The following SLC35D4 variants were observed in gnomAD, a reference collection of about 807,000 sequenced individuals.
The protein encoded by SLC35D4 is UDP-N-acetylglucosamine transporter SLC35D4.
chr18:23,295,206 G>A, the SLC35D4 span, among the ~76,000 whole-genome samples: 1,340 of 151,144 alleles, frequency 8.9e-3, 15 homozygotes, highest in African/African-American at 0.031. Flanking sequence ...CATACACCGG[G>A]CCTGTCGGGG....
At chr18:23,424,142 G>A in the SLC35D4 span, among the ~76,000 whole-genome samples, 1 of 151,610 alleles carries the variant, frequency 6.6e-6, no homozygotes, top group African/African-American at 2.4e-5. Flanking sequence ...GGGGCAAGAT[G>A]GATGAAGAAA....
the SLC35D4 span, among the ~76,000 whole-genome samples, chr18:23,304,335 G>T: frequency 1.4e-5 from 2 of 145,104 alleles, no homozygotes; most frequent in Non-Finnish European, 3.0e-5. Context: ...TAAGGATACA[G>T]AAATTTGGGG....
At chr18:23,351,840 T>C in the SLC35D4 span, among the ~76,000 whole-genome samples, 1 of 152,148 alleles carries the variant, frequency 6.6e-6, no homozygotes, top group Admixed American at 6.5e-5. Flanking sequence ...TTTTCTAAGG[T>C]TTCATAGAAA....
the SLC35D4 span, among the ~76,000 whole-genome samples, chr18:23,250,486 C>G: frequency 6.6e-6 from 1 of 152,198 alleles, no homozygotes; most frequent in Non-Finnish European, 1.5e-5. Flanking sequence ...AATCTTACGT[C>G]CCCTTCAACC....
At chr18:23,254,974 T>G in the SLC35D4 span, among the ~76,000 whole-genome samples, 68 of 152,298 alleles carry the variant, frequency 4.5e-4, no homozygotes, top group African/African-American at 1.6e-3. Context: ...GAGCCTTGAT[T>G]GTGGTTTTCA....
the SLC35D4 span, among the ~76,000 whole-genome samples, chr18:23,288,687 C>G: frequency 5.3e-5 from 8 of 152,176 alleles, no homozygotes; most frequent in Admixed American, 5.2e-4. Flanking sequence ...AGAAGGCCAC[C>G]ACGGTCATTT....
chr18:23,386,644 G>A, the SLC35D4 span, among the ~76,000 whole-genome samples: 1 of 149,346 alleles, frequency 6.7e-6, no homozygotes, highest in Non-Finnish European at 1.5e-5. Context: ...AGCGAAGATG[G>A]AGGAAAGGGG....
At chr18:23,356,498 AC>A in the SLC35D4 span, 4 of 1,275,836 alleles carry the variant, frequency 3.1e-6, no homozygotes, top group Non-Finnish European at 4.5e-6. This position sits in a 1 kb window ranked among gnomAD's most constrained non-coding sequence, Gnocchi z 4.1. Flanking sequence ...CTCTCCTGCC[AC>A]TCACTCAGGT....
At chr18:23,332,179 G>A in the SLC35D4 span, among the ~76,000 whole-genome samples, 1 of 151,908 alleles carries the variant, frequency 6.6e-6, no homozygotes, top group Non-Finnish European at 1.5e-5. Flanking sequence ...ACAGGCGTGA[G>A]CCACCACACT....
chr18:23,247,076 A>T, the SLC35D4 span, among the ~76,000 whole-genome samples: 3 of 152,246 alleles, frequency 2.0e-5, no homozygotes, highest in African/African-American at 7.2e-5. Flanking sequence ...CACCAGAAAG[A>T]ATGAGTGGCT....
chr18:23,279,867 A>AT, the SLC35D4 span, among the ~76,000 whole-genome samples: 1 of 152,150 alleles, frequency 6.6e-6, no homozygotes, highest in African/African-American at 2.4e-5. Flanking sequence ...ACACACATGT[A>AT]TTTTTTCCCC....
At chr18:23,298,693 C>T in the SLC35D4 span, among the ~76,000 whole-genome samples, 9 of 152,224 alleles carry the variant, frequency 5.9e-5, no homozygotes, top group African/African-American at 2.2e-4. Context: ...TCTCCACTTT[C>T]TATTTTGAAC....
chr18:23,391,821 A>C, the SLC35D4 span, among the ~76,000 whole-genome samples: 2 of 152,192 alleles, frequency 1.3e-5, no homozygotes, highest in Non-Finnish European at 2.9e-5. Flanking sequence ...CAGAAAGCTC[A>C]GAGCTGAATT....
chr18:23,377,754 CA>C, the SLC35D4 span: 4 of 1,249,702 alleles, frequency 3.2e-6, no homozygotes, highest in Non-Finnish European at 4.3e-6. Context: ...GATCAAGAGG[CA>C]AATAAATTAT....
chr18:23,268,831 T>C, the SLC35D4 span, among the ~76,000 whole-genome samples: 62 of 151,460 alleles, frequency 4.1e-4, no homozygotes, highest in Non-Finnish European at 7.5e-4. Flanking sequence ...TGTGTATACA[T>C]ACTACAACAA....
chr18:23,242,728 A>G, the SLC35D4 span, among the ~76,000 whole-genome samples: 4 of 152,208 alleles, frequency 2.6e-5, no homozygotes, highest in Admixed American at 6.5e-5. Flanking sequence ...TATGATATGC[A>G]TAAGCATGTA....
chr18:23,363,881 C>A, the SLC35D4 span, among the ~76,000 whole-genome samples: 1 of 152,196 alleles, frequency 6.6e-6, no homozygotes, highest in Non-Finnish European at 1.5e-5. Flanking sequence ...CAGCAAATGA[C>A]AGCAGAGAGG....
chr18:23,383,457 C>A, the SLC35D4 span, among the ~76,000 whole-genome samples: 5 of 152,024 alleles, frequency 3.3e-5, no homozygotes, highest in African/African-American at 1.2e-4. Flanking sequence ...GAAACAGACA[C>A]GATGAGTCGC....
chr18:23,391,663 T>C, the SLC35D4 span, among the ~76,000 whole-genome samples: 1 of 152,164 alleles, frequency 6.6e-6, no homozygotes, highest in Non-Finnish European at 1.5e-5. Flanking sequence ...ACTTATTTTA[T>C]TTTTTGTAGA....
Sources: allele counts gnomAD v4.1 joint callset (sites outside exome capture counted in the v4.1 genomes callset), GRCh38; gene constraint gnomAD v4.1.1; non-coding constraint Gnocchi (gnomAD v3.1); transcripts MANE v1.5; gene names NCBI Gene and HGNC (gene_info 2026-07-23, HGNC 2026-07-21).